Variants in EED observed in about 807,000 individuals in gnomAD.
EED encodes embryonic ectoderm development.
Under a neutral mutation model 61.0 loss-of-function variants are expected in EED, and 9 were observed. That is an observed-to-expected ratio of 0.15 (90% CI 0.09 to 0.26). The LOEUF is 0.26. EED is among the 10% of genes least tolerant of loss of function. The pLI is 1.00. For missense variants in EED, 315 were observed against 542.3 expected (o/e 0.58, Z 4.16); for synonymous variants, 187 against 174.4 (o/e 1.07, Z -0.57).
chr11:86,257,625 G>T (rs754907090), intron 6 of EED, 29 bp downstream of exon 6: 2 of 1,571,054 alleles, frequency 1.3e-6, no homozygotes, highest in Non-Finnish European at 1.7e-6. Flanking sequence ...TCTTGAGTCT[G>T]TGCAATTTGT....
chr11:86,250,133 T>C (rs1486154108), intron 1 of EED, among the ~76,000 whole-genome samples, 163 bp from the exon 2 acceptor site: 2 of 152,242 alleles, frequency 1.3e-5, no homozygotes, highest in Non-Finnish European at 2.9e-5. Flanking sequence ...CCTTCTAACC[T>C]GTAGCTGGAT....
At chr11:86,252,885 G>C (rs1347050005) in intron 3 of EED, among the ~76,000 whole-genome samples, 1 of 152,002 alleles carries the variant, frequency 6.6e-6, no homozygotes, top group Non-Finnish European at 1.5e-5. Context: ...TCAGCCTTCT[G>C]AGTAGCTACA....
intron 6 of EED, chr11:86,263,846 C>A (rs1244442773): frequency 5.0e-6 from 1 of 198,786 alleles, no homozygotes; most frequent in South Asian, 1.6e-4. Context: ...AGCCTCAGGC[C>A]CTTTTATAAT....
At chr11:86,284,329 C>T in the EED span, 1 of 152,222 alleles carries the variant, frequency 6.6e-6, no homozygotes, top group East Asian at 1.9e-4. Context: ...ACGATGTAAA[C>T]TCCCTCCTCC....
downstream of EED, among the ~76,000 whole-genome samples, chr11:86,282,277 G>C (rs752440032): frequency 2.0e-5 from 3 of 152,028 alleles, no homozygotes; most frequent in South Asian, 4.1e-4. Flanking sequence ...TTTAATTTTT[G>C]TACACAGAAA....
At position 86,245,188 on chromosome 11, in the gene EED, C is replaced by A; in HGVS notation, c.-42C>A. On this transcript the variant is annotated 5_prime_UTR_variant, in exon 1 of 12. Coordinates refer to ENST00000263360, the MANE Select transcript of EED (RefSeq NM_003797.5). ...TTGCTTGACGGCGGTGTGGCGGAGG[C>A]CCCGCCCCAGGCGGCAGGAACCTGG... 1 of 1,552,680 alleles carries A rather than the reference C, an allele frequency of 6.4e-7. No homozygotes were observed. Among genetic ancestry groups the A allele is most frequent in the Non-Finnish European group, 8.8e-7 (1 of 1,132,588 alleles).
chr11:86,257,185 TTGTG>T (rs71040223), intron 5 of EED, among the ~76,000 whole-genome samples: 6,353 of 143,156 alleles, frequency 0.044, 169 homozygotes, highest in African/African-American at 0.054. Context: ...AATTTTTAAT[TTGTG>T]TGTGTGTGTG....
intron 1 of EED, among the ~76,000 whole-genome samples, chr11:86,248,759 C>G (rs1208039772): frequency 6.6e-6 from 1 of 152,018 alleles, no homozygotes; most frequent in Non-Finnish European, 1.5e-5. Flanking sequence ...TGGCTCACAC[C>G]TGTAATCCCA....
At chr11:86,261,714 C>A (rs1261919243) in intron 6 of EED, among the ~76,000 whole-genome samples, 1 of 152,246 alleles carries the variant, frequency 6.6e-6, no homozygotes, top group Admixed American at 6.5e-5. Flanking sequence ...CACATGGACA[C>A]TGCCAAGATT....
rs773510026 is a variant in EED, at chr11:86,245,238, G to A, written c.9G>A (p.Glu3=). ...GAGGGAGGCGGAGGAATATGTCCGAGAGGGAAGTGTCGACTGCGCCGGCGG... is the reference window on the plus strand; with the variant it reads ...GAGGGAGGCGGAGGAATATGTCCGAAAGGGAAGTGTCGACTGCGCCGGCGG... MS[E]REVSTAPAGT... The change falls in exon 1 of 12, where the codon GAG becomes GAA. Residue 3 remains glutamate (E), a synonymous_variant. Transcript: ENST00000263360. The A allele has an allele frequency of 2.5e-6, 4 of 1,613,342 alleles. No homozygotes were observed. The highest frequency in any genetic ancestry group is 2.2e-5 in the East Asian group (1 of 44,698).
At position 86,245,357 on chromosome 11, in the gene EED, C is replaced by G. The variant is rs770099280; in HGVS notation, c.114+14C>G. On this transcript the variant is annotated intron_variant, in intron 1 of 11. Transcript: ENST00000263360. ...GGAGACGAGAATGTAAGTGCAGCTT[C>G]TGGCAGTTACGAGACTGCGGAGTGA... 6.9e-6 allele frequency: 11 copies of G among 1,595,112 alleles called. No individual in the cohort carries two copies.
At chr11:86,252,310 A>G in intron 3 of EED, 70 bp downstream of exon 3, 7 of 1,109,000 alleles carry the variant, frequency 6.3e-6, no homozygotes, top group Non-Finnish European at 9.2e-6. Context: ...ATATTGAAAT[A>G]GAATAATTTC....
chr11:86,286,829 G>A, the EED span, among the ~76,000 whole-genome samples: 2 of 151,886 alleles, frequency 1.3e-5, no homozygotes, highest in African/African-American at 2.4e-5. Flanking sequence ...AAAATTAGCC[G>A]GGCACGGTGG....
intron 9 of EED, chr11:86,269,954 CA>C (rs1946073620): frequency 1.8e-6 from 1 of 559,176 alleles, no homozygotes; most frequent in Admixed American, 3.2e-5. Flanking sequence ...AGCTGCTAAT[CA>C]GCAGTTGTGT....
rs770386903 is a variant in EED, at chr11:86,256,519, T to C, written c.552+7T>C. On this transcript the variant is annotated splice_region_variant and intron_variant, in intron 5 of 11. Transcript: ENST00000263360. ...AACAATGCAGTGTATAAAGGTGGGT[T>C]TTTCTGGTTAAATTGTAGATCTGCT... 2 of 1,545,760 alleles carry C rather than the reference T, an allele frequency of 1.3e-6. No individual in the cohort carries two copies. Among genetic ancestry groups the C allele is most frequent in the South Asian group, 2.4e-5 (2 of 81,960 alleles).
chr11:86,246,878 G>A (rs1253108903), intron 1 of EED, among the ~76,000 whole-genome samples: 1 of 152,044 alleles, frequency 6.6e-6, no homozygotes, highest in East Asian at 1.9e-4. Context: ...GGTGGTGTAT[G>A]GTATTTACCT....
chr11:86,277,858 C>T (rs765404383), intron 10 of EED, 60 bp from the exon 11 acceptor site: 5 of 1,457,596 alleles, frequency 3.4e-6, no homozygotes, highest in Non-Finnish European at 4.5e-6. Context: ...AGGATTCCTC[C>T]AATGCTTTAG....
intron 1 of EED, among the ~76,000 whole-genome samples, chr11:86,245,687 CTT>C (rs1262007435): frequency 2.0e-5 from 3 of 151,968 alleles, no homozygotes; most frequent in African/African-American, 7.3e-5. Context: ...ACGTTAGAGA[CTT>C]TTCTAAGAAA....
intron 9 of EED, among the ~76,000 whole-genome samples, chr11:86,273,101 G>A (rs891922883): frequency 1.4e-4 from 21 of 152,130 alleles, no homozygotes; most frequent in Admixed American, 1.3e-3. Context: ...TTAGCTCTCT[G>A]AAGCCTGAAA....
Sources: gnomAD v4.1 joint callset for allele counts (sites outside exome capture counted in the v4.1 genomes callset) on GRCh38, gnomAD v4.1.1 for gene constraint, MANE v1.5 for transcripts, NCBI Gene and HGNC (gene_info 2026-07-23, HGNC 2026-07-21) for gene names.